The following HERC3 variants were observed in gnomAD, a reference collection of about 807,000 sequenced individuals.
HERC3 encodes probable E3 ubiquitin-protein ligase HERC3.
HERC3 carries 58 observed loss-of-function variants against 129.9 expected under a neutral mutation model. The observed-to-expected ratio is 0.45, with a 90% CI of 0.36 to 0.56. The LOEUF (loss-of-function observed/expected upper bound fraction) is 0.56. Among genes scored for constraint, HERC3 ranks in the 20% least tolerant of loss-of-function variants. HERC3 has a pLI of 0.00. For missense variants in HERC3, 835 were observed against 1,244.2 expected, an observed-to-expected ratio of 0.67 and a Z score of 4.95; for synonymous variants, 430 against 451.0, an observed-to-expected ratio of 0.95 and a Z score of 0.59.
the HERC3 span, among the ~76,000 whole-genome samples, chr4:88,566,171 A>G: frequency 1.3e-5 from 2 of 151,846 alleles, no homozygotes; most frequent in African/African-American, 2.4e-5. Flanking sequence ...GTTCTCCTCT[A>G]TGTGTCCATG....
In HERC3 at chr4:88,655,208, G is replaced by A; in HGVS notation, c.812G>A (p.Cys271Tyr). 1 of 1,613,940 alleles carries A rather than the reference G, an allele frequency of 6.2e-7. No individual in the cohort carries two copies. Among genetic ancestry groups the A allele is most frequent in the African/African-American group, 1.3e-5 (1 of 75,026 alleles). The change falls in exon 8 of 26, where the codon TGT becomes TAT. Residue 271 changes from cysteine to tyrosine, a missense_variant. Cys to Tyr is a radical substitution (Grantham distance 194). Coordinates refer to ENST00000402738, the MANE Select transcript of HERC3 (RefSeq NM_014606.3). ...GTGTTTACCTTTGGCGCTGGTTCCT[G>A]TGGGCAACTTGGACACGACTCCATG... ...GGVFTFGAGSCGQLGHDSMND... is the reference protein window; with the variant it reads ...GGVFTFGAGSYGQLGHDSMND...
chr4:88,643,128 C>T (rs1054309889), intron 3 of HERC3, among the ~76,000 whole-genome samples: 1 of 152,076 alleles, frequency 6.6e-6, no homozygotes, highest in Non-Finnish European at 1.5e-5. Flanking sequence ...ATAAAAAATA[C>T]AATTTATAAT....
At chr4:88,616,910 A>G (rs1039128319) in intron 3 of HERC3, among the ~76,000 whole-genome samples, 1 of 152,082 alleles carries the variant, frequency 6.6e-6, no homozygotes, top group Non-Finnish European at 1.5e-5. Context: ...CTTCCTGCCA[A>G]ATCTCTAGCC....
chr4:88,569,648 G>T, the HERC3 span, among the ~76,000 whole-genome samples: 1 of 152,166 alleles, frequency 6.6e-6, no homozygotes, highest in African/African-American at 2.4e-5. Flanking sequence ...GCCCCCATTT[G>T]TTTGTAGCCA....
At chr4:88,524,461 T>C in the HERC3 span, among the ~76,000 whole-genome samples, 1 of 152,218 alleles carries the variant, frequency 6.6e-6, no homozygotes, top group Non-Finnish European at 1.5e-5. Flanking sequence ...AGTGAATTTG[T>C]ATCCCAGGTT....
chr4:88,533,289 C>A, the HERC3 span, among the ~76,000 whole-genome samples: 1 of 152,160 alleles, frequency 6.6e-6, no homozygotes, highest in Non-Finnish European at 1.5e-5. Context: ...ATGGTGCCCA[C>A]CCACATTGAG....
intron 3 of HERC3, among the ~76,000 whole-genome samples, chr4:88,608,052 TG>T (rs1475099075): frequency 1.3e-5 from 2 of 152,230 alleles, no homozygotes; most frequent in Non-Finnish European, 2.9e-5. Flanking sequence ...TCATTTTATT[TG>T]GCATCAATAC....
chr4:88,643,211 A>G (rs75962128), intron 3 of HERC3, among the ~76,000 whole-genome samples: 10,778 of 152,304 alleles, frequency 0.071, 505 homozygotes, highest in Non-Finnish European at 0.11. Flanking sequence ...TGAAAACTAC[A>G]AAAGTCTGGT....
chr4:88,606,667 A>G (rs570599746), intron 3 of HERC3, among the ~76,000 whole-genome samples: 1 of 152,296 alleles, frequency 6.6e-6, no homozygotes, highest in Admixed American at 6.5e-5. Context: ...ATGGCGGCAG[A>G]CAAGAGAAGA....
At chr4:88,677,592 C>A (rs1732307043) in intron 18 of HERC3, among the ~76,000 whole-genome samples, 1 of 152,076 alleles carries the variant, frequency 6.6e-6, no homozygotes, top group Non-Finnish European at 1.5e-5. Flanking sequence ...AAGAATAACT[C>A]TTTTTAACAA....
At chr4:88,627,651 C>T (rs1396763918) in intron 3 of HERC3, among the ~76,000 whole-genome samples, 1 of 151,946 alleles carries the variant, frequency 6.6e-6, no homozygotes, top group Non-Finnish European at 1.5e-5. Flanking sequence ...GGCTCTAATC[C>T]CAGCACTTTG....
rs1184238609 is a variant in HERC3 at position 88,654,109 on chromosome 4, A to C, written c.753A>C (p.Glu251Asp). ...AAGTTGTCTATATTAGTTGTGGAGA[A>C]GAACACACAGCAGTTCTCACAAAGG... ...TQKVVYISCG[E>D]EHTAVLTKSG... The change falls in exon 7 of 26, where the codon GAA becomes GAC. Residue 251 changes from glutamate (E) to aspartate (D), a missense_variant. Coordinates refer to ENST00000402738, the MANE Select transcript of HERC3 (RefSeq NM_014606.3). 1 of 1,613,222 alleles carries C rather than the reference A, an allele frequency of 6.2e-7. No homozygotes were observed. Among genetic ancestry groups the C allele is most frequent in the Non-Finnish European group, 8.5e-7 (1 of 1,179,452 alleles).
At chr4:88,702,024 G>T (rs1735364985) in intron 23 of HERC3, among the ~76,000 whole-genome samples, 1 of 151,988 alleles carries the variant, frequency 6.6e-6, no homozygotes, top group Admixed American at 6.6e-5. Flanking sequence ...TGAATTCTGG[G>T]CTGAAGCCAT....
the HERC3 span, among the ~76,000 whole-genome samples, chr4:88,541,926 C>A: frequency 6.6e-6 from 1 of 152,320 alleles, no homozygotes; most frequent in African/African-American, 2.4e-5. Context: ...ATACCAGAAT[C>A]TCTGGGACAC....
intron 23 of HERC3, among the ~76,000 whole-genome samples, chr4:88,702,331 T>A (rs1474295758): frequency 6.6e-6 from 1 of 152,158 alleles, no homozygotes; most frequent in Non-Finnish European, 1.5e-5. Flanking sequence ...CTACTCTTAC[T>A]CTCCCCCATT....
intron 3 of HERC3, among the ~76,000 whole-genome samples, chr4:88,637,338 A>G (rs554913297): frequency 6.6e-6 from 1 of 152,138 alleles, no homozygotes; most frequent in East Asian, 1.9e-4. Context: ...AGGCGGGAGA[A>G]TGGCATGAAC....
At chr4:88,646,527 A>G (rs1728707216) in intron 3 of HERC3, among the ~76,000 whole-genome samples, 1 of 152,178 alleles carries the variant, frequency 6.6e-6, no homozygotes, top group African/African-American at 2.4e-5. Context: ...AAAATACCAA[A>G]TGCTTCTTCA....
chr4:88,652,168 A>C (rs1729361098), intron 5 of HERC3, 80 bp downstream of exon 5: 1 of 1,100,656 alleles, frequency 9.1e-7, no homozygotes, highest in South Asian at 1.3e-5. Flanking sequence ...GATATTATCT[A>C]ACTGAAAACT....
At chr4:88,580,209 A>G in the HERC3 span, among the ~76,000 whole-genome samples, 2 of 152,190 alleles carry the variant, frequency 1.3e-5, no homozygotes, top group African/African-American at 4.8e-5. Flanking sequence ...CAAGATTCTG[A>G]ACCTGGATTA....
Sources: allele counts gnomAD v4.1 joint callset (sites outside exome capture counted in the v4.1 genomes callset), GRCh38; gene constraint gnomAD v4.1.1; transcripts MANE v1.5; gene names NCBI Gene and HGNC (gene_info 2026-07-23, HGNC 2026-07-21).